SUN1: variants seen among roughly 807,000 people sequenced by gnomAD.
SUN1 encodes SUN domain-containing protein 1.
SUN1 carries 61 observed loss-of-function variants against 103.2 expected under a neutral mutation model. The ratio of observed to expected loss-of-function variants is 0.59; its 90% CI spans 0.48 to 0.73. SUN1 has a LOEUF of 0.73. Ranked by LOEUF, SUN1 falls within the 30% of genes least tolerant of loss-of-function variation. SUN1 has a pLI of 0.00. For synonymous variants in SUN1, 490 were observed against 425.7 expected, an observed-to-expected ratio of 1.15 and a Z score of -1.86; for missense variants, 1,052 against 1,034.6, an observed-to-expected ratio of 1.02 and a Z score of -0.23.
intron 1 of SUN1, chr7:817,422 G>A: frequency 1.3e-6 from 2 of 1,535,954 alleles, no homozygotes; most frequent in Non-Finnish European, 1.7e-6. Context: ...TGCAAAATAA[G>A]CAGCGGCGGG....
chr7:841,288 G>A lies in SUN1; in HGVS notation c.267-658G>A, dbSNP rs1336324672. ...AGCCGGAGTCTGGCTCTGTCACCCA[G>A]GCTGGAGTGCAGTGGCGTGATCTCA... On this transcript the variant is annotated intron_variant, in intron 2 of 18. Coordinates refer to ENST00000401592, the MANE Select transcript of SUN1 (RefSeq NM_001130965.3). 2.9e-5 allele frequency among the ~76,000 whole-genome samples: 4 copies of A among 136,718 alleles called. No individual in the cohort carries two copies. In the East Asian group the frequency reaches 8.8e-4, roughly 30 times the overall value. 89.7% of individuals were successfully genotyped at this position (136,718 alleles called of 152,430 possible).
Position 874,397 on chromosome 7 carries a change from G to C in SUN1, c.*1066G>C, listed in dbSNP as rs1369715544. 6.6e-6 allele frequency: 1 copy of C among 152,630 alleles called. No homozygotes were observed. Among genetic ancestry groups the C allele is most frequent in the Non-Finnish European group, 1.5e-5 (1 of 68,040 alleles). The allele number at this position is 152,630 out of a possible 1,614,324, so 9.5% of individuals were successfully genotyped here. A position where few individuals can be genotyped will look rare whatever the true frequency, so the allele number is the denominator to read the frequency against. On this transcript the variant is annotated 3_prime_UTR_variant, in exon 19 of 19. Transcript: ENST00000401592. The stretch of plus-strand genomic sequence containing the variant: ...ATTTTACTGAGCAGACTTTATAAAT[G>C]AGATATCTACAAGGCACTTAAAGTG...
At chr7:829,719 T>C (rs908862079), upstream of SUN1, among the ~76,000 whole-genome samples, 2 of 152,210 alleles carry the variant, frequency 1.3e-5, no homozygotes, top group Admixed American at 6.5e-5. Context: ...CAAGCCCAGC[T>C]AACTTTTTGT....
intron 12 of SUN1, among the ~76,000 whole-genome samples, chr7:857,572 C>T (rs530472825): frequency 1.3e-5 from 2 of 152,344 alleles, no homozygotes; most frequent in South Asian, 4.1e-4. Context: ...ACACTGCTAG[C>T]AGCACTTTTG....
At position 817,544 on chromosome 7, in the gene SUN1, T is replaced by A. The variant is rs772248321; in HGVS notation, c.-74+871T>A. 39 of 1,532,890 alleles carry A rather than the reference T, an allele frequency of 2.5e-5. No individual in the cohort carries two copies. The Middle Eastern group carries it at 8.3e-4, about 33-fold the overall frequency. The allele number at this position is 1,532,890 out of a possible 1,614,324, so 95.0% of individuals were successfully genotyped here. On this transcript the variant is annotated intron_variant, in intron 1 of 17. Transcript: ENST00000389574. ...GTCTCTGCTCTCGCTTTGCAGCTTGTGGTTGCTGCGTCTGGCTCTGATTCC... is the reference window on the plus strand; with the variant it reads ...GTCTCTGCTCTCGCTTTGCAGCTTGAGGTTGCTGCGTCTGGCTCTGATTCC...
intron 5 of SUN1, among the ~76,000 whole-genome samples, chr7:844,702 G>T (rs1813514390): frequency 6.6e-6 from 1 of 152,226 alleles, no homozygotes; most frequent in African/African-American, 2.4e-5. Flanking sequence ...GTTCCTCCAT[G>T]TGGACCAGCA....
intron 17 of SUN1, among the ~76,000 whole-genome samples, 170 bp from the exon 18 acceptor site, chr7:872,299 AC>A (rs1842306267): frequency 2.0e-5 from 3 of 152,078 alleles, no homozygotes; most frequent in South Asian, 2.1e-4. Context: ...AACAAAACAC[AC>A]CCCTTCCTTC....
intron 15 of SUN1, among the ~76,000 whole-genome samples, chr7:865,123 A>C (rs1562803983): frequency 6.6e-6 from 1 of 152,072 alleles, no homozygotes. Flanking sequence ...GACCTCTGGT[A>C]GCCATCCATG....
At chr7:856,231 A>T in intron 11 of SUN1, 127 bp from the exon 12 acceptor site, 2 of 908,576 alleles carry the variant, frequency 2.2e-6, no homozygotes, top group Non-Finnish European at 3.4e-6. Flanking sequence ...TGCCACCCAC[A>T]GGCAGATCTG....
In SUN1 at chr7:873,467, G is replaced by C. The variant is rs1161885325; in HGVS notation, c.*136G>C. ...TCAATAAACGTGGCTGCTGGCCAGA[G>C]GACGTGAGCGTGTGACGGGCGCCTT... On this transcript the variant is annotated 3_prime_UTR_variant, in exon 19 of 19. Transcript: ENST00000401592. The C allele has an allele frequency of 3.4e-6, 3 of 889,296 alleles. No individual in the cohort carries two copies. Among genetic ancestry groups the C allele is most frequent in the Admixed American group, 2.4e-5 (1 of 41,792 alleles). 55.1% of individuals were successfully genotyped at this position (889,296 alleles called of 1,614,324 possible).
At chr7:873,173 A>G (rs1842886097) in intron 18 of SUN1, 42 bp from the exon 19 acceptor site, 1 of 1,562,364 alleles carries the variant, frequency 6.4e-7, no homozygotes, top group Admixed American at 1.7e-5. Context: ...TGGGGTTATT[A>G]ATATGAAATA....
rs756512786 is a variant in SUN1, at chr7:852,886, A to G, written c.987A>G (p.Thr329=). The G allele has an allele frequency of 9.3e-6, 15 of 1,614,130 alleles. No homozygotes were observed. The South Asian group carries it at 1.6e-4, about 18-fold the overall frequency. ...PVLNWASMHR[T]QRVDDPQDVF... ...TGAACTGGGCAAGCATGCATAGAAC[A>G]CAGCGGGTGGATGACCCCCAGGACG... The change falls in exon 9 of 19, where the codon ACA becomes ACG. Residue 329 remains threonine (T), a synonymous_variant. Coordinates refer to ENST00000401592, the MANE Select transcript of SUN1 (RefSeq NM_001130965.3).
chr7:822,859 C>G (rs956941307), intron 1 of SUN1, among the ~76,000 whole-genome samples: 5 of 152,230 alleles, frequency 3.3e-5, no homozygotes, highest in African/African-American at 1.2e-4. Context: ...AAGCGCAGCA[C>G]ACACAGCCCT....
chr7:830,273 A>G (rs567993457), upstream of SUN1, among the ~76,000 whole-genome samples: 22 of 152,276 alleles, frequency 1.4e-4, no homozygotes, highest in South Asian at 4.1e-3. Context: ...CTGCCTCGCA[A>G]GGTTCTGCTT....
chr7:873,017 G>T (rs1023928406), intron 18 of SUN1, among the ~76,000 whole-genome samples, 198 bp from the exon 19 acceptor site: 1 of 152,232 alleles, frequency 6.6e-6, no homozygotes, highest in Non-Finnish European at 1.5e-5. Context: ...AGCCCGGGAG[G>T]TGGAGCTTGC....
intron 17 of SUN1, 139 bp from the exon 18 acceptor site, chr7:872,330 GC>G: frequency 1.5e-6 from 1 of 686,408 alleles, no homozygotes; most frequent in Non-Finnish European, 2.5e-6. Flanking sequence ...CCTCGTGACT[GC>G]CATGGAGGAA....
chr7:831,894 A>C (rs1180816099), upstream of SUN1: 1 of 317,174 alleles, frequency 3.2e-6, no homozygotes, highest in East Asian at 1.7e-4. Flanking sequence ...AGTCATTCCA[A>C]ATAAATCTAG....
intron 18 of SUN1, 56 bp downstream of exon 18, chr7:872,618 C>T: frequency 7.3e-7 from 1 of 1,377,416 alleles, no homozygotes; most frequent in African/African-American, 1.4e-5. Flanking sequence ...CTTCTCGTGA[C>T]AGCAGGGCCC....
At chr7:840,267 A>G (rs1388314968) in intron 2 of SUN1, among the ~76,000 whole-genome samples, 1 of 152,228 alleles carries the variant, frequency 6.6e-6, no homozygotes, top group African/African-American at 2.4e-5. Context: ...TTGGAGATGC[A>G]GGGTGTGAGT....
Sources: gnomAD v4.1 joint callset for allele counts (sites outside exome capture counted in the v4.1 genomes callset) on GRCh38, gnomAD v4.1.1 for gene constraint, MANE v1.5 for transcripts, NCBI Gene and HGNC (gene_info 2026-07-23, HGNC 2026-07-21) for gene names.